CACNA2D3: variants seen among roughly 807,000 people sequenced by gnomAD.
The protein encoded by CACNA2D3 is voltage-dependent calcium channel subunit alpha-2/delta-3.
A neutral mutation model predicts 160.6 loss-of-function variants in CACNA2D3; 60 were observed. That is an observed-to-expected ratio of 0.37 (90% CI 0.30 to 0.46). CACNA2D3 has a LOEUF of 0.46. Among genes scored for constraint, CACNA2D3 ranks in the 20% least tolerant of loss-of-function variants. CACNA2D3 has a pLI of 1.00. For missense variants in CACNA2D3, 1,205 were observed against 1,365.0 expected (o/e 0.88, Z 1.85); for synonymous variants, 558 against 492.9 (o/e 1.13, Z -1.75).
At chr3:54,698,891 G>A (rs894249796) in intron 11 of CACNA2D3, among the ~76,000 whole-genome samples, 1 of 152,038 alleles carries the variant, frequency 6.6e-6, no homozygotes, top group Non-Finnish European at 1.5e-5. Context: ...ATACAAGGAC[G>A]TATGGGAGAG....
intron 27 of CACNA2D3, among the ~76,000 whole-genome samples, chr3:54,915,152 A>T (rs1194392010): frequency 3.3e-5 from 5 of 152,326 alleles, no homozygotes; most frequent in African/African-American, 9.6e-5. Flanking sequence ...GGCATTTTAT[A>T]ATCTTAAGCA....
At chr3:54,165,041 G>A (rs1700424262) in intron 2 of CACNA2D3, among the ~76,000 whole-genome samples, 1 of 151,508 alleles carries the variant, frequency 6.6e-6, no homozygotes, top group Non-Finnish European at 1.5e-5. Flanking sequence ...CAGAAAAGCT[G>A]GGTTTTAGCC....
intron 35 of CACNA2D3, among the ~76,000 whole-genome samples, chr3:55,066,382 C>A (rs1704636248): frequency 6.6e-6 from 1 of 152,250 alleles, no homozygotes; most frequent in South Asian, 2.1e-4. Flanking sequence ...AAGATTCTAT[C>A]CTGACCAAAT....
intron 2 of CACNA2D3, among the ~76,000 whole-genome samples, chr3:54,146,700 C>T (rs905648612): frequency 2.0e-5 from 3 of 152,238 alleles, no homozygotes; most frequent in South Asian, 2.1e-4. Context: ...CTTTCTGAGC[C>T]GCATGTGCAC....
At chr3:54,387,297 G>C (rs1272327631) in intron 4 of CACNA2D3, among the ~76,000 whole-genome samples, 1 of 152,200 alleles carries the variant, frequency 6.6e-6, no homozygotes, top group East Asian at 1.9e-4. Context: ...TGATAGAGAA[G>C]GATTTTGATG....
chr3:55,053,521 T>G (rs1002189153), intron 35 of CACNA2D3, among the ~76,000 whole-genome samples: 1 of 152,004 alleles, frequency 6.6e-6, no homozygotes, highest in Non-Finnish European at 1.5e-5. Context: ...ACATCTGTTG[T>G]CAGATTTCTC....
chr3:54,436,179 A>C (rs945186124), intron 4 of CACNA2D3, among the ~76,000 whole-genome samples: 1 of 152,100 alleles, frequency 6.6e-6, no homozygotes, highest in Non-Finnish European at 1.5e-5. Flanking sequence ...ATTAAAAAAA[A>C]CTCATCATCA....
intron 2 of CACNA2D3, among the ~76,000 whole-genome samples, chr3:54,206,898 A>T (rs910690045): frequency 6.6e-6 from 1 of 152,216 alleles, no homozygotes; most frequent in Admixed American, 6.5e-5. Flanking sequence ...TGACTATCTG[A>T]TGCAGTTCTC....
chr3:54,462,114 T>C (rs1261772870), intron 4 of CACNA2D3, among the ~76,000 whole-genome samples: 12 of 152,310 alleles, frequency 7.9e-5, no homozygotes, highest in Non-Finnish European at 1.5e-4. Context: ...TCTTGAGTTC[T>C]AGTTTGATTG....
chr3:54,723,677 T>C (rs1031585313), intron 11 of CACNA2D3, among the ~76,000 whole-genome samples: 1 of 152,162 alleles, frequency 6.6e-6, no homozygotes, highest in African/African-American at 2.4e-5. Flanking sequence ...TGAGGTGATG[T>C]CCCACTCTGC....
rs755736013 is a variant in CACNA2D3 at position 54,838,662 on chromosome 3, T to C, written c.1551+14T>C. On this transcript the variant is annotated intron_variant, in intron 16 of 37. Coordinates refer to ENST00000474759, the MANE Select transcript of CACNA2D3 (RefSeq NM_018398.3). ...CCCAAATACAAGGTAATGAATGACC[T>C]AATCCCTGAAATCAAAGCAACAGAG... The C allele has an allele frequency of 3.8e-6, 6 of 1,581,172 alleles. No individual in the cohort carries two copies. In the South Asian group the frequency reaches 5.5e-5, roughly 15 times the overall value.
At chr3:54,755,133 G>A (rs974953110) in intron 12 of CACNA2D3, among the ~76,000 whole-genome samples, 17 of 152,182 alleles carry the variant, frequency 1.1e-4, no homozygotes, top group African/African-American at 4.1e-4. Context: ...ATATCGGAAA[G>A]GAGTATTTAT....
At chr3:54,214,125 A>G (rs1362303120) in intron 2 of CACNA2D3, among the ~76,000 whole-genome samples, 3 of 152,202 alleles carry the variant, frequency 2.0e-5, no homozygotes, top group South Asian at 4.1e-4. Flanking sequence ...TAAATACCAG[A>G]GATGCCTCTG....
intron 2 of CACNA2D3, among the ~76,000 whole-genome samples, chr3:54,256,136 C>T (rs1480369109): frequency 6.6e-6 from 1 of 152,104 alleles, no homozygotes; most frequent in African/African-American, 2.4e-5. Context: ...GGTCCTTGAA[C>T]CTGAAATTGG....
At chr3:54,731,735 A>AGGATTCTG (rs1427170200) in intron 11 of CACNA2D3, among the ~76,000 whole-genome samples, 1 of 152,128 alleles carries the variant, frequency 6.6e-6, no homozygotes, top group Non-Finnish European at 1.5e-5. Flanking sequence ...AGCGGCACCC[A>AGGATTCTG]GGATTCTGTA....
chr3:54,826,936 C>T (rs1481168081), intron 14 of CACNA2D3, among the ~76,000 whole-genome samples: 3 of 152,178 alleles, frequency 2.0e-5, no homozygotes, highest in Admixed American at 6.5e-5. Flanking sequence ...ATTAATTGCA[C>T]TTGTCAGATG....
intron 11 of CACNA2D3, among the ~76,000 whole-genome samples, chr3:54,722,130 ATCTTG>A (rs2106990203): frequency 6.6e-6 from 1 of 151,856 alleles, no homozygotes; most frequent in African/African-American, 2.4e-5. Context: ...TTTTTCTCTA[ATCTTG>A]TCTTCTTGCT....
chr3:55,052,048 C>G (rs1296010323), intron 35 of CACNA2D3, among the ~76,000 whole-genome samples: 2 of 152,192 alleles, frequency 1.3e-5, no homozygotes, highest in African/African-American at 4.8e-5. Context: ...GATGGAAATG[C>G]CGAAATGACT....
In CACNA2D3 at chr3:54,693,752, G is replaced by A. The variant is rs1700608000; in HGVS notation, c.1167+51511G>A. ...CCCTGTGTAGGTCTAGGCTAATGTG[G>A]GTGTTTGTGTCTTCGTTTTTAACAA... On this transcript the variant is annotated intron_variant, in intron 11 of 37. Coordinates refer to ENST00000474759, the MANE Select transcript of CACNA2D3 (RefSeq NM_018398.3). Among the ~76,000 whole-genome samples, 7 of 151,412 alleles carry A rather than the reference G, an allele frequency of 4.6e-5. No homozygotes were observed. The South Asian group carries it at 1.5e-3, about 32-fold the overall frequency.
Sources: gnomAD v4.1 joint callset for allele counts (sites outside exome capture counted in the v4.1 genomes callset) on GRCh38, gnomAD v4.1.1 for gene constraint, MANE v1.5 for transcripts, NCBI Gene and HGNC (gene_info 2026-07-23, HGNC 2026-07-21) for gene names.